PCDH8: variants seen among roughly 807,000 people sequenced by gnomAD.
The protein encoded by PCDH8 is protocadherin 8, also known as protocadherin-8.
In PCDH8, 36 loss-of-function variants were observed where a neutral mutation model predicts 58.2. That is an observed-to-expected ratio of 0.62 (90% confidence interval 0.47 to 0.82). The LOEUF is 0.82. PCDH8 is among the 40% of genes least tolerant of loss of function. The pLI is 0.00. For missense variants in PCDH8, 1,493 were observed against 1,567.8 expected, an observed-to-expected ratio of 0.95 and a Z score of 0.81; for synonymous variants, 775 against 728.9, an observed-to-expected ratio of 1.06 and a Z score of -1.02.
chr13:52,847,162 C>T lies in PCDH8; in HGVS notation c.1275G>A (p.Gly425=). The T allele has an allele frequency of 1.3e-6, 2 of 1,498,096 alleles. No individual in the cohort carries two copies. The highest frequency in any genetic ancestry group is 1.8e-6 in the Non-Finnish European group (2 of 1,131,882). The allele number at this position is 1,498,096 out of a possible 1,614,324, so 92.8% of individuals were successfully genotyped here. Reference sequence around the variant, plus strand: ...GCCCATAGAGGGCGCAGCGCACTTGCCCGTTGGCGCCCGAGTCCCTGTCCG... The same window carrying T: ...GCCCATAGAGGGCGCAGCGCACTTGTCCGTTGGCGCCCGAGTCCCTGTCCG... The part of the protein sequence containing the change: ...STSDRDSGAN[G]QVRCALYGHE... Residue 425 remains glycine (G), a synonymous_variant, in exon 1 of 3, where the codon GGG becomes GGA. Transcript: ENST00000377942.
In PCDH8 at chr13:52,848,546, G is replaced by A. The variant is rs1474787163; in HGVS notation, c.-110C>T. On this transcript the variant is annotated 5_prime_UTR_variant, in exon 1 of 3. Coordinates refer to ENST00000377942, the MANE Select transcript of PCDH8 (RefSeq NM_002590.4). ...CACGCTCTTTGCGAGCCCTGTGCGG[G>A]AGAAGTCTGCGGGTAGCAGCTCCGA... 6.9e-7 allele frequency: 1 copy of A among 1,443,250 alleles called. No individual in the cohort carries two copies. Among genetic ancestry groups the A allele is most frequent in the Non-Finnish European group, 9.1e-7 (1 of 1,102,548 alleles). 89.4% of individuals were successfully genotyped at this position (1,443,250 alleles called of 1,614,324 possible). A position where few individuals can be genotyped will look rare whatever the true frequency, so the allele number is the denominator to read the frequency against.
chr13:52,845,925 C>T lies in PCDH8; in HGVS notation c.2512G>A (p.Asp838Asn). ...GKAPFGSPAADAPPPAVAAAE... is the reference protein window; with the variant it reads ...GKAPFGSPAANAPPPAVAAAE... ...GCGGCGACCGCAGGCGGAGGCGCGTCCGCCGCGGGGCTGCCAAAGGGCGCT... is the reference window on the plus strand; with the variant it reads ...GCGGCGACCGCAGGCGGAGGCGCGTTCGCCGCGGGGCTGCCAAAGGGCGCT... The change falls in exon 1 of 3, where the codon GAC becomes AAC. Residue 838 changes from aspartate to asparagine, a missense_variant. Asp to Asn is a conservative substitution (Grantham distance 23). This residue lies in a region of PCDH8 where 1,307 missense variants were observed against 1,362.7 expected (regional missense o/e 0.96). Coordinates refer to ENST00000377942, the MANE Select transcript of PCDH8 (RefSeq NM_002590.4). The T allele has an allele frequency of 2.7e-6, 4 of 1,481,462 alleles. No individual in the cohort carries two copies. The highest frequency in any genetic ancestry group is 3.5e-6 in the Non-Finnish European group (4 of 1,127,976). The allele number at this position is 1,481,462 out of a possible 1,614,324, so 91.8% of individuals were successfully genotyped here. A position where few individuals can be genotyped will look rare whatever the true frequency, so the allele number is the denominator to read the frequency against.
Position 52,846,017 on chromosome 13 carries a change from T to C in PCDH8, c.2420A>G (p.Glu807Gly). 2.0e-6 allele frequency: 3 copies of C among 1,477,218 alleles called. No individual in the cohort carries two copies. The allele number at this position is 1,477,218 out of a possible 1,614,324, so 91.5% of individuals were successfully genotyped here. A position where few individuals can be genotyped will look rare whatever the true frequency, so the allele number is the denominator to read the frequency against. ...CCTGGGCCCGGCTCCCCGGGCGGCCTCCTCCGGGGAGCCGGGAGCCGAGGC... is the reference window on the plus strand; with the variant it reads ...CCTGGGCCCGGCTCCCCGGGCGGCCCCCTCCGGGGAGCCGGGAGCCGAGGC... Reference protein sequence around the residue: ...GGASAPGSPEEAARGAGPRPN... With the variant: ...GGASAPGSPEGAARGAGPRPN... The change falls in exon 1 of 3, where the codon GAG becomes GGG. Residue 807 changes from glutamate (E) to glycine (G), a missense_variant. By Grantham distance (98) the Glu-to-Gly change is moderately conservative. Around this residue, in one of 3 missense-constraint regions of PCDH8, gnomAD observed 1,307 missense variants for 1,362.7 expected, o/e 0.96. Transcript: ENST00000377942.
In PCDH8 at chr13:52,846,007, C is replaced by T. The variant is rs746799526; in HGVS notation, c.2430G>A (p.Arg810=). Residue 810 remains arginine (R), a synonymous_variant, in exon 1 of 3, where the codon CGG becomes CGA. Transcript: ENST00000377942. ...ACATGTTGGGCCTGGGCCCGGCTCC[C>T]CGGGCGGCCTCCTCCGGGGAGCCGG... ...SAPGSPEEAA[R]GAGPRPNMFD... 1.3e-5 allele frequency: 19 copies of T among 1,473,088 alleles called. No individual in the cohort carries two copies. The East Asian group carries it at 4.3e-4, about 33-fold the overall frequency. The allele number at this position is 1,473,088 out of a possible 1,614,324, so 91.3% of individuals were successfully genotyped here. A position where few individuals can be genotyped will look rare whatever the true frequency, so the allele number is the denominator to read the frequency against.
At position 52,844,772 on chromosome 13, in the gene PCDH8, C is replaced by A; in HGVS notation, c.3001G>T (p.Asp1001Tyr). ...GGCAGCTGGGCCTGGTAGTAATTGT[C>A]CCTGCGCAGAGGATCCCGAGGCAGT... Reference protein sequence around the residue: ...TSLPRDPLRRDNYYQAQLPKT... With the variant: ...TSLPRDPLRRYNYYQAQLPKT... The change falls in exon 3 of 3, where the codon GAC becomes TAC. Residue 1001 changes from aspartate to tyrosine, a missense_variant. By Grantham distance (160) the Asp-to-Tyr change is radical (BLOSUM62 -3). This residue lies in a region of PCDH8 where 182 missense variants were observed against 178.9 expected (regional missense o/e 1.02). Coordinates refer to ENST00000377942, the MANE Select transcript of PCDH8 (RefSeq NM_002590.4). The A allele has an allele frequency of 6.2e-7, 1 of 1,613,310 alleles. No homozygotes were observed. Among genetic ancestry groups the A allele is most frequent in the Non-Finnish European group, 8.5e-7 (1 of 1,179,618 alleles).
In PCDH8 at chr13:52,843,075, T is replaced by G. The variant is rs1965685451; in HGVS notation, c.*1485A>C. ...TAGTTTGCTGATTAAATGAGATAAT[T>G]CATGCAGAATGCTTGGTAAGGAGCT... On this transcript the variant is annotated 3_prime_UTR_variant, in exon 3 of 3. Transcript: ENST00000377942. 1 of 152,240 alleles carries G rather than the reference T, an allele frequency of 6.6e-6. No homozygotes were observed. Among genetic ancestry groups the G allele is most frequent in the African/African-American group, 2.4e-5 (1 of 41,464 alleles). 9.4% of individuals were successfully genotyped at this position (152,240 alleles called of 1,614,324 possible).
chr13:52,847,381 G>C lies in PCDH8; in HGVS notation c.1056C>G (p.Pro352=), dbSNP rs1965758404. 7.2e-6 allele frequency: 11 copies of C among 1,531,154 alleles called. No homozygotes were observed. The highest frequency in any genetic ancestry group is 9.6e-6 in the Non-Finnish European group (11 of 1,146,024). 94.8% of individuals were successfully genotyped at this position (1,531,154 alleles called of 1,614,324 possible). A position where few individuals can be genotyped will look rare whatever the true frequency, so the allele number is the denominator to read the frequency against. ...VRIRDVNDNA[P]DIAITPLAAP... ...CGGCCAGCGGGGTGATGGCGATGTC[G>C]GGTGCGTTGTCATTGACGTCTCGGA... is the stretch of plus-strand genomic sequence containing the variant. The change falls in exon 1 of 3, where the codon CCC becomes CCG. Residue 352 remains proline (P), a synonymous_variant. Transcript: ENST00000377942.
chr13:52,848,504 T>C lies in PCDH8; in HGVS notation c.-68A>G. 6.7e-7 allele frequency: 1 copy of C among 1,496,754 alleles called. No individual in the cohort carries two copies. The highest frequency in any genetic ancestry group is 8.9e-7 in the Non-Finnish European group (1 of 1,129,564). 92.7% of individuals were successfully genotyped at this position (1,496,754 alleles called of 1,614,324 possible). A position where few individuals can be genotyped will look rare whatever the true frequency, so the allele number is the denominator to read the frequency against. On this transcript the variant is annotated 5_prime_UTR_variant, in exon 1 of 3. Transcript: ENST00000377942. ...CTCTGGTTTCCAGGTCGGGCGTCAG[T>C]CTCAGGCTCTCGGAATCACGCTCTT...
In PCDH8 at chr13:52,847,772, C is replaced by T. The variant is rs1593427166; in HGVS notation, c.665G>A (p.Arg222His). ...GGCAGCCGTGGCGGAGCGCGGCGGGCGGCCGCCGTCCTGGGCCACCAGCTC... is the reference window on the plus strand; with the variant it reads ...GGCAGCCGTGGCGGAGCGCGGCGGGTGGCCGCCGTCCTGGGCCACCAGCTC... ...SLELVAQDGGRPPRSATAALS... is the reference protein window; with the variant it reads ...SLELVAQDGGHPPRSATAALS... The change falls in exon 1 of 3, where the codon CGC (arginine) becomes CAC (histidine). Residue 222 changes from arginine (R) to histidine (H), a missense_variant. This residue lies in a region of PCDH8 where 1,307 missense variants were observed against 1,362.7 expected (regional missense o/e 0.96). Coordinates refer to ENST00000377942, the MANE Select transcript of PCDH8 (RefSeq NM_002590.4). 7 of 1,456,342 alleles carry T rather than the reference C, an allele frequency of 4.8e-6. No homozygotes were observed. Among genetic ancestry groups the T allele is most frequent in the South Asian group, 2.9e-5 (2 of 69,864 alleles). 90.2% of individuals were successfully genotyped at this position (1,456,342 alleles called of 1,614,324 possible). A position where few individuals can be genotyped will look rare whatever the true frequency, so the allele number is the denominator to read the frequency against.
chr13:52,844,546 C>G lies in PCDH8; in HGVS notation c.*14G>C. 6.4e-7 allele frequency: 1 copy of G among 1,559,914 alleles called. No homozygotes were observed. Among genetic ancestry groups the G allele is most frequent in the Non-Finnish European group, 8.7e-7 (1 of 1,152,234 alleles). ...GGAGTGACCTGTATATGTGTGAAGACATGCAGCATGGGATTACACATTTTC... is the reference window on the plus strand; with the variant it reads ...GGAGTGACCTGTATATGTGTGAAGAGATGCAGCATGGGATTACACATTTTC... On this transcript the variant is annotated 3_prime_UTR_variant, in exon 3 of 3. Transcript: ENST00000377942.
chr13:52,846,954 G>T lies in PCDH8; in HGVS notation c.1483C>A (p.Pro495Thr). The T allele has an allele frequency of 6.3e-7, 1 of 1,596,420 alleles. No homozygotes were observed. ...TCATAGACCGGCCGCGTGAAGAGCG[G>T]CGCGTTGTCGTTCTCGTCGCCCACA... ...VRVGDENDNA[P>T]LFTRPVYEVS... The change falls in exon 1 of 3, where the codon CCG becomes ACG. Residue 495 changes from proline (P) to threonine (T), a missense_variant. By Grantham distance (38) the Pro-to-Thr change is conservative. Around this residue, in one of 3 missense-constraint regions of PCDH8, gnomAD observed 1,307 missense variants for 1,362.7 expected, o/e 0.96. Coordinates refer to ENST00000377942, the MANE Select transcript of PCDH8 (RefSeq NM_002590.4).
rs1429316391 is a variant in PCDH8 at position 52,845,824 on chromosome 13, G to A, written c.2613C>T (p.Leu871=). The A allele has an allele frequency of 6.6e-7, 1 of 1,511,002 alleles. No homozygotes were observed. Among genetic ancestry groups the A allele is most frequent in the African/African-American group, 1.4e-5 (1 of 71,864 alleles). The allele number at this position is 1,511,002 out of a possible 1,614,324, so 93.6% of individuals were successfully genotyped here. ...GCCTCACCTCGGCGTGCGCGCCGCG[G>A]AGCCGCTGCTGCCCCTCGAAGTGAC... ...SACHFEGQQR[L]RGAHAEPYGA... Residue 871 remains leucine (L), a synonymous_variant, in exon 1 of 3, where the codon CTC becomes CTT. Transcript: ENST00000377942.
In PCDH8 at chr13:52,847,151, C is replaced by T. The variant is rs1427777703; in HGVS notation, c.1286G>A (p.Cys429Tyr). The change falls in exon 1 of 3, where the codon TGC becomes TAC. Residue 429 changes from cysteine (C) to tyrosine (Y), a missense_variant. By Grantham distance (194) the Cys-to-Tyr change is radical. Around this residue, in one of 3 missense-constraint regions of PCDH8, gnomAD observed 1,307 missense variants for 1,362.7 expected, o/e 0.96. Coordinates refer to ENST00000377942, the MANE Select transcript of PCDH8 (RefSeq NM_002590.4). ...GAAGTGCTCGTGCCCATAGAGGGCG[C>T]AGCGCACTTGCCCGTTGGCGCCCGA... ...RDSGANGQVRCALYGHEHFRL... is the reference protein window; with the variant it reads ...RDSGANGQVRYALYGHEHFRL... 1 of 1,523,540 alleles carries T rather than the reference C, an allele frequency of 6.6e-7. No individual in the cohort carries two copies. Among genetic ancestry groups the T allele is most frequent in the Non-Finnish European group, 8.7e-7 (1 of 1,143,252 alleles). 94.4% of individuals were successfully genotyped at this position (1,523,540 alleles called of 1,614,324 possible).
In PCDH8 at chr13:52,846,081, C is replaced by T. The variant is rs756049482; in HGVS notation, c.2356G>A (p.Ala786Thr). The T allele has an allele frequency of 8.3e-6, 13 of 1,564,570 alleles. No individual in the cohort carries two copies. The African/African-American group carries it at 1.1e-4, about 14-fold the overall frequency. The change falls in exon 1 of 3, where the codon GCC (alanine) becomes ACC (threonine). Residue 786 changes from alanine to threonine, a missense_variant. Transcript: ENST00000377942. ...RRKKEVRKGGALREERPGAAG... is the reference protein window; with the variant it reads ...RRKKEVRKGGTLREERPGAAG... ...GCCCCGGGCCGCTCTTCCCGGAGGG[C>T]CCCCCCTTTGCGCACCTCCTTCTTG...
At position 52,846,832 on chromosome 13, in the gene PCDH8, C is replaced by T; in HGVS notation, c.1605G>A (p.Arg535=). ...DLGRNGQVTY[R]LLEAEVGRAG... is the part of the protein sequence containing the mutation. Reference sequence around the variant, plus strand: ...CGCGGCCCACCTCGGCCTCCAGCAGCCGGTAGGTGACCTGGCCGTTGCGGC... The same window carrying T: ...CGCGGCCCACCTCGGCCTCCAGCAGTCGGTAGGTGACCTGGCCGTTGCGGC... The change falls in exon 1 of 3, where the codon CGG becomes CGA. Residue 535 remains arginine, a synonymous_variant. Coordinates refer to ENST00000377942, the MANE Select transcript of PCDH8 (RefSeq NM_002590.4). 2 of 1,549,454 alleles carry T rather than the reference C, an allele frequency of 1.3e-6. No individual in the cohort carries two copies.
Position 52,846,303 on chromosome 13 carries a change from C to A in PCDH8, c.2134G>T (p.Ala712Ser). 1 of 1,573,562 alleles carries A rather than the reference C, an allele frequency of 6.4e-7. No individual in the cohort carries two copies. Among genetic ancestry groups the A allele is most frequent in the Non-Finnish European group, 8.6e-7 (1 of 1,163,234 alleles). ...GCAGCCGGCCCACGCCCGCCCCCTG[C>A]TGTTACCACGAAGCTGACAGTTGCG... Reference protein sequence around the residue: ...TTATVSFVVTAGGGRGPAAPA... With the variant: ...TTATVSFVVTSGGGRGPAAPA... Residue 712 changes from alanine to serine, a missense_variant, in exon 1 of 3, where the codon GCA becomes TCA. Coordinates refer to ENST00000377942, the MANE Select transcript of PCDH8 (RefSeq NM_002590.4).
At position 52,844,719 on chromosome 13, in the gene PCDH8, A is replaced by G. The variant is rs35458755; in HGVS notation, c.3054T>C (p.Tyr1018=). Residue 1018 remains tyrosine (Y), a synonymous_variant, in exon 3 of 3, where the codon TAT becomes TAC. Coordinates refer to ENST00000377942, the MANE Select transcript of PCDH8 (RefSeq NM_002590.4). ...LPKTVGLQSV[Y]EKVLHRDYDR... ...CATAGTCTCTGTGCAGTACTTTCTC[A>G]TAGACGCTCTGCAGCCCCACTGTCT... 12,146 of 1,613,962 alleles carry G rather than the reference A, an allele frequency of 7.5e-3. 77 individuals are homozygous for G. The highest frequency in any genetic ancestry group is 8.6e-3 in the Non-Finnish European group (10,102 of 1,179,866).
rs900643825 is a variant in PCDH8 at position 52,846,355 on chromosome 13, G to A, written c.2082C>T (p.Asp694=). Residue 694 remains aspartate, a synonymous_variant, in exon 1 of 3, where the codon GAC becomes GAT. Transcript: ENST00000377942. ...RVFRALLVIS[D]GGRPPLTTTA... ...TGGTGGTGAGCGGGGGACGGCCGCC[G>A]TCGGATATGACCAGGAGCGCCCTGA... 6 of 1,568,612 alleles carry A rather than the reference G, an allele frequency of 3.8e-6. No individual in the cohort carries two copies. In the African/African-American group the frequency reaches 4.1e-5, roughly 11 times the overall value.
chr13:52,848,513 C>T lies in PCDH8; in HGVS notation c.-77G>A, dbSNP rs1428880567. ...CCAGGTCGGGCGTCAGTCTCAGGCT[C>T]TCGGAATCACGCTCTTTGCGAGCCC... On this transcript the variant is annotated 5_prime_UTR_variant, in exon 1 of 3. Coordinates refer to ENST00000377942, the MANE Select transcript of PCDH8 (RefSeq NM_002590.4). The T allele has an allele frequency of 2.0e-6, 3 of 1,487,458 alleles. No homozygotes were observed. Among genetic ancestry groups the T allele is most frequent in the Non-Finnish European group, 2.7e-6 (3 of 1,125,158 alleles). The allele number at this position is 1,487,458 out of a possible 1,614,324, so 92.1% of individuals were successfully genotyped here. A position where few individuals can be genotyped will look rare whatever the true frequency, so the allele number is the denominator to read the frequency against.
Sources: gnomAD v4.1 joint callset for allele counts on GRCh38, gnomAD v4.1.1 for gene constraint, gnomAD v4.1.1 regional missense constraint, MANE v1.5 for transcripts, NCBI Gene and HGNC (gene_info 2026-07-23, HGNC 2026-07-21) for gene names.